CNIH3: variants seen among roughly 807,000 people sequenced by gnomAD.
CNIH3 encodes the protein protein cornichon homolog 3.
In CNIH3, 14 loss-of-function variants were observed where a neutral mutation model predicts 24.1. The observed-to-expected ratio is 0.58, with a 90% CI of 0.38 to 0.91. The LOEUF (loss-of-function observed/expected upper bound fraction) is 0.91, where lower values mean the gene tolerates loss of function less well. Ranked by LOEUF, CNIH3 falls within the 40% of genes least tolerant of loss-of-function variation. The probability of loss-of-function intolerance (pLI) is 0.00; values close to 1 mark genes in which losing one functional copy is unlikely to be tolerated. For missense variants in CNIH3, 178 were observed against 196.8 expected (o/e 0.90, Z 0.57); for synonymous variants, 68 against 73.8 (o/e 0.92, Z 0.40).
intron 1 of CNIH3, among the ~76,000 whole-genome samples, chr1:224,632,746 A>G (rs6661853): frequency 0.49 from 74,602 of 151,822 alleles, 19,294 homozygotes; most frequent in East Asian, 0.71. Flanking sequence ...AATTTTTCTT[A>G]CAGGTTCCGG....
At chr1:224,493,937 A>G (rs766615443) in intron 1 of CNIH3, among the ~76,000 whole-genome samples, 15 of 152,184 alleles carry the variant, frequency 9.9e-5, no homozygotes, top group Non-Finnish European at 2.2e-4. Flanking sequence ...GGGTATGTAA[A>G]TTTGCTGCAG....
chr1:224,711,668 G>A (rs1418311933), intron 3 of CNIH3, among the ~76,000 whole-genome samples: 4 of 151,168 alleles, frequency 2.6e-5, no homozygotes, highest in Admixed American at 1.3e-4. Flanking sequence ...GGTGGTACCC[G>A]CCTGTAGTCC....
At chr1:224,464,139 A>C (rs2102988033) in intron 1 of CNIH3, among the ~76,000 whole-genome samples, 1 of 151,774 alleles carries the variant, frequency 6.6e-6, no homozygotes, top group Non-Finnish European at 1.5e-5. Flanking sequence ...TTAACCTTTA[A>C]ATTTTGATGG....
chr1:224,592,403 G>A (rs149811507), downstream of CNIH3, among the ~76,000 whole-genome samples: 2 of 152,122 alleles, frequency 1.3e-5, no homozygotes, highest in African/African-American at 2.4e-5. Flanking sequence ...GGGAAATCAC[G>A]GCAGTAATAT....
chr1:224,523,898 A>G (rs1678740427), intron 2 of CNIH3, among the ~76,000 whole-genome samples: 1 of 152,176 alleles, frequency 6.6e-6, no homozygotes, highest in South Asian at 2.1e-4. Context: ...GAGGCCATTA[A>G]GCTGAGAAGG....
intron 1 of CNIH3, among the ~76,000 whole-genome samples, chr1:224,631,615 G>A (rs1322455043): frequency 6.6e-6 from 1 of 151,832 alleles, no homozygotes; most frequent in African/African-American, 2.4e-5. Context: ...ATATTACTTA[G>A]CTTAGCTGGT....
chr1:224,735,110 C>T (rs1054753596), intron 5 of CNIH3, among the ~76,000 whole-genome samples: 1 of 152,134 alleles, frequency 6.6e-6, no homozygotes, highest in East Asian at 1.9e-4. Flanking sequence ...GTCCCTTGCC[C>T]CAAGGATTCT....
intron 1 of CNIH3, among the ~76,000 whole-genome samples, chr1:224,496,105 G>A (rs1481988319): frequency 6.6e-6 from 1 of 152,194 alleles, no homozygotes; most frequent in Non-Finnish European, 1.5e-5. Flanking sequence ...CGAGTCTGTT[G>A]TCTCAGCCTC....
chr1:224,592,016 G>A (rs1219644183), downstream of CNIH3, among the ~76,000 whole-genome samples: 7 of 152,144 alleles, frequency 4.6e-5, no homozygotes, highest in African/African-American at 1.7e-4. Context: ...TGTTGTTGTG[G>A]TTGGGTCATA....
intron 1 of CNIH3, among the ~76,000 whole-genome samples, chr1:224,673,526 C>G (rs1306442189): frequency 6.6e-6 from 1 of 152,222 alleles, no homozygotes; most frequent in African/African-American, 2.4e-5. Context: ...CCATGTCTGG[C>G]TCCTGGACAT....
chr1:224,558,152 T>C (rs1304782368), intron 3 of CNIH3, among the ~76,000 whole-genome samples: 2 of 152,146 alleles, frequency 1.3e-5, no homozygotes, highest in East Asian at 1.9e-4. Context: ...GATGGCTGGA[T>C]TGGGGTCAAC....
intron 1 of CNIH3, among the ~76,000 whole-genome samples, chr1:224,506,232 G>A (rs1168465026): frequency 6.6e-6 from 1 of 151,996 alleles, no homozygotes; most frequent in African/African-American, 2.4e-5. Flanking sequence ...CCAGGCCTGG[G>A]GCCACATTCC....
chr1:224,480,292 T>C (rs1676757430), intron 1 of CNIH3, among the ~76,000 whole-genome samples: 1 of 152,162 alleles, frequency 6.6e-6, no homozygotes, highest in Non-Finnish European at 1.5e-5. Flanking sequence ...ACTCTGGGCC[T>C]GGCCCCTGAA....
chr1:224,500,007 T>A (rs1677588764), intron 1 of CNIH3, among the ~76,000 whole-genome samples: 1 of 152,122 alleles, frequency 6.6e-6, no homozygotes, highest in Non-Finnish European at 1.5e-5. Context: ...TCTTTCTTTT[T>A]TCTTTTTTCT....
chr1:224,569,150 G>C (rs59018094), intron 4 of CNIH3, among the ~76,000 whole-genome samples: 1 of 152,216 alleles, frequency 6.6e-6, no homozygotes, highest in Admixed American at 6.5e-5. Context: ...TTACAGGCGT[G>C]AGCCTCTGCA....
At chr1:224,578,966 C>G (rs904211919) in intron 4 of CNIH3, among the ~76,000 whole-genome samples, 1 of 151,898 alleles carries the variant, frequency 6.6e-6, no homozygotes, top group African/African-American at 2.4e-5. Context: ...TCAATTATTT[C>G]TTTGTCGATG....
chr1:224,449,215 C>T (rs1024663935), intron 1 of CNIH3, among the ~76,000 whole-genome samples: 3 of 152,022 alleles, frequency 2.0e-5, no homozygotes, highest in Non-Finnish European at 4.4e-5. Flanking sequence ...CCGCCTGCCT[C>T]GGCCTCCCAA....
chr1:224,550,641 A>G (rs927326295), intron 3 of CNIH3, among the ~76,000 whole-genome samples: 3 of 152,222 alleles, frequency 2.0e-5, no homozygotes, highest in East Asian at 3.8e-4. Flanking sequence ...GTGATATTTC[A>G]TAAATATCAT....
At chr1:224,605,954 G>T (rs866538352) in intron 3 of CNIH3, among the ~76,000 whole-genome samples, 3 of 152,192 alleles carry the variant, frequency 2.0e-5, no homozygotes, top group Admixed American at 6.5e-5. Flanking sequence ...AGACAGGATA[G>T]TTCCCTTGAC....
Sources: gnomAD v4.1 joint callset for allele counts (sites outside exome capture counted in the v4.1 genomes callset) on GRCh38, gnomAD v4.1.1 for gene constraint, MANE v1.5 for transcripts, NCBI Gene and HGNC (gene_info 2026-07-23, HGNC 2026-07-21) for gene names.